The following KIF2C variants were observed in gnomAD, a reference collection of about 807,000 sequenced individuals.
KIF2C encodes the protein kinesin family member 2C, also known as kinesin-like protein KIF2C.
Under a neutral mutation model 97.4 loss-of-function variants are expected in KIF2C, and 34 were observed. That is an observed-to-expected ratio of 0.35 (90% CI 0.27 to 0.46). The LOEUF (loss-of-function observed/expected upper bound fraction) is 0.46. Among genes scored for constraint, KIF2C ranks in the 20% least tolerant of loss-of-function variants. The pLI, the probability that KIF2C is intolerant of heterozygous loss-of-function variation, is 1.00. For synonymous variants in KIF2C, 313 were observed against 318.2 expected, an observed-to-expected ratio of 0.98 and a Z score of 0.17; for missense variants, 750 against 907.6, an observed-to-expected ratio of 0.83 and a Z score of 2.23.
In KIF2C at chr1:44,755,946, A is replaced by T; in HGVS notation, c.777A>T (p.Ile259=). 1 of 1,614,068 alleles carries T rather than the reference A, an allele frequency of 6.2e-7. No homozygotes were observed. The highest frequency in any genetic ancestry group is 8.5e-7 in the Non-Finnish European group (1 of 1,179,992). The change falls in exon 9 of 21, where the codon ATA becomes ATT. Residue 259 remains isoleucine, a synonymous_variant. Transcript: ENST00000372224. The part of the protein sequence containing the change: ...TMTDPIEEHR[I]CVCVRKRPLN... ...GCTTGCAGATCGAAGAGCACAGAATATGTGTCTGTGTTAGGAAACGCCCAC... is the reference window on the plus strand; with the variant it reads ...GCTTGCAGATCGAAGAGCACAGAATTTGTGTCTGTGTTAGGAAACGCCCAC...
In KIF2C at chr1:44,750,135, G is replaced by GTC. The variant is rs1160152334; in HGVS notation, c.317-296_317-295dup. Among the ~76,000 whole-genome samples the GTC allele has an allele frequency of 1.3e-5, 2 of 151,420 alleles. 1 individual carries two copies. The highest frequency in any genetic ancestry group is 6.8e-3 in the Middle Eastern group (2 of 292). On this transcript the variant is annotated intron_variant, in intron 4 of 20. Transcript: ENST00000372224. ...ACTTTTTCTCAAGGACTTAGATTAG[G>GTC]TCTCTCTCTCTCCAGAAATGTTTTC...
Position 44,750,437 on chromosome 1 carries a change from TC to T in KIF2C, c.317-3del. ...ACTGACTGGCTACTGCTCTCGGTTC[TC>T]CAGGTCTTCGAAGCCGCTCCACTCG... On this transcript the variant is annotated splice_region_variant and splice_polypyrimidine_tract_variant and intron_variant, in intron 4 of 20. Coordinates refer to ENST00000372224, the MANE Select transcript of KIF2C (RefSeq NM_006845.4). 1 of 1,460,754 alleles carries T rather than the reference TC, an allele frequency of 6.8e-7. No individual in the cohort carries two copies. Among genetic ancestry groups the T allele is most frequent in the South Asian group, 1.5e-5 (1 of 67,190 alleles). The allele number at this position is 1,460,754 out of a possible 1,614,324, so 90.5% of individuals were successfully genotyped here.
Position 44,746,874 on chromosome 1 carries a change from T to C in KIF2C, c.166-510T>C, listed in dbSNP as rs931802891. On this transcript the variant is annotated intron_variant, in intron 2 of 20. Transcript: ENST00000372224. ...CCCTGTCTATAGAAATTTAATTTTT[T>C]CTATGTTGTTTTTTTGTTTGTTTGT... 1.2e-5 allele frequency: 13 copies of C among 1,078,332 alleles called. No individual in the cohort carries two copies. The African/African-American group carries it at 2.1e-4, about 18-fold the overall frequency. 66.8% of individuals were successfully genotyped at this position (1,078,332 alleles called of 1,614,324 possible).
intron 20 of KIF2C, 55 bp downstream of exon 20, chr1:44,767,004 G>C (rs1650504494): frequency 6.2e-7 from 1 of 1,611,880 alleles, no homozygotes; most frequent in African/African-American, 1.3e-5. Flanking sequence ...GCTGGCTCTT[G>C]GGCAGCTGCA....
In KIF2C at chr1:44,754,856, C is replaced by T. The variant is rs1054064820; in HGVS notation, c.759+11C>T. 1 of 1,490,480 alleles carries T rather than the reference C, an allele frequency of 6.7e-7. No individual in the cohort carries two copies. The highest frequency in any genetic ancestry group is 1.7e-5 in the Admixed American group (1 of 59,470). 92.3% of individuals were successfully genotyped at this position (1,490,480 alleles called of 1,614,324 possible). A position where few individuals can be genotyped will look rare whatever the true frequency, so the allele number is the denominator to read the frequency against. On this transcript the variant is annotated intron_variant, in intron 8 of 20. Coordinates refer to ENST00000372224, the MANE Select transcript of KIF2C (RefSeq NM_006845.4). Reference sequence around the variant, plus strand: ...ACTATGACTGATCCTGTAAGTACATCCAAAGAACTTCTCTTTCTTAAGTGT... The same window carrying T: ...ACTATGACTGATCCTGTAAGTACATTCAAAGAACTTCTCTTTCTTAAGTGT...
chr1:44,745,749 C>T lies in KIF2C; in HGVS notation c.166-1635C>T, dbSNP rs146542088. Among the ~76,000 whole-genome samples the T allele has an allele frequency of 8.3e-3, 1,265 of 151,992 alleles. 21 individuals are homozygous for T. The highest frequency in any genetic ancestry group is 0.029 in the African/African-American group (1,215 of 41,452). On this transcript the variant is annotated intron_variant, in intron 2 of 20. Coordinates refer to ENST00000372224, the MANE Select transcript of KIF2C (RefSeq NM_006845.4). Reference sequence around the variant, plus strand: ...CCTCCCAAAGTGCTGGGATTACAGACGTGAGCCACCACGCCCGGCCTATAT... The same window carrying T: ...CCTCCCAAAGTGCTGGGATTACAGATGTGAGCCACCACGCCCGGCCTATAT...
At chr1:44,746,369 T>C (rs143764896) in intron 2 of KIF2C, 4 of 1,055,518 alleles carry the variant, frequency 3.8e-6, no homozygotes, top group East Asian at 7.5e-5. Flanking sequence ...TGTGACCTCA[T>C]TGCAGGCATC....
intron 13 of KIF2C, among the ~76,000 whole-genome samples, chr1:44,758,659 G>A (rs1649970965): frequency 6.6e-6 from 1 of 152,114 alleles, no homozygotes; most frequent in Admixed American, 6.6e-5. Flanking sequence ...CAGGTCACCT[G>A]AGGTCAGGAG....
intron 19 of KIF2C, 55 bp from the exon 20 acceptor site, chr1:44,766,763 TAGGACCCC>T: frequency 6.3e-7 from 1 of 1,581,706 alleles, no homozygotes; most frequent in South Asian, 1.1e-5. Context: ...TTGCAGTTGG[TAGGACCCC>T]AGGAATGATT....
chr1:44,758,872 G>A (rs566521783), intron 13 of KIF2C, among the ~76,000 whole-genome samples: 12 of 152,164 alleles, frequency 7.9e-5, no homozygotes, highest in East Asian at 1.9e-4. Context: ...GCGAAACTCC[G>A]TCTCAAAATA....
In KIF2C at chr1:44,760,676, A is replaced by G. The variant is rs750209407; in HGVS notation, c.1657A>G (p.Ile553Val). 1.2e-6 allele frequency: 2 copies of G among 1,614,096 alleles called. No individual in the cohort carries two copies. Among genetic ancestry groups the G allele is most frequent in the Admixed American group, 1.7e-5 (1 of 60,026 alleles). Residue 553 changes from isoleucine (I) to valine (V), a missense_variant, in exon 16 of 21, where the codon ATT (isoleucine) becomes GTT (valine). Ile to Val is a conservative substitution (Grantham distance 29). Transcript: ENST00000372224. This position sits in a 1 kb window ranked among gnomAD's most constrained non-coding sequence, Gnocchi z 4.2. ...KLTQVLRDSF[I>V]GENSRTCMIA... ...GACACAGGTGCTGAGGGACTCCTTC[A>G]TTGGGGAGAACTCTAGGACTTGCAT...
intron 14 of KIF2C, 67 bp downstream of exon 14, chr1:44,759,415 G>T: frequency 6.3e-7 from 1 of 1,588,068 alleles, no homozygotes; most frequent in Non-Finnish European, 8.6e-7. Context: ...GTCTAGCTCT[G>T]AGCACATTTC....
chr1:44,746,624 C>G, intron 2 of KIF2C: 2 of 1,487,870 alleles, frequency 1.3e-6, no homozygotes, highest in Non-Finnish European at 1.8e-6. Flanking sequence ...AGCAGATCAG[C>G]AGGGGAGCCA....
intron 2 of KIF2C, among the ~76,000 whole-genome samples, chr1:44,745,916 G>A (rs1448286868): frequency 6.6e-6 from 1 of 151,454 alleles, no homozygotes; most frequent in African/African-American, 2.4e-5. Context: ...TCGCTGTGTC[G>A]CCCAGGCTGG....
intron 4 of KIF2C, among the ~76,000 whole-genome samples, chr1:44,748,482 T>C (rs528249964): frequency 2.0e-5 from 3 of 152,286 alleles, no homozygotes; most frequent in African/African-American, 7.2e-5. Flanking sequence ...GCAGGAGAGT[T>C]GGGACTCGCA....
chr1:44,761,806 T>G, intron 16 of KIF2C, 110 bp from the exon 17 acceptor site: 1 of 977,758 alleles, frequency 1.0e-6, no homozygotes, highest in South Asian at 1.4e-5. Flanking sequence ...CAATACCATG[T>G]GGGTCTCCAA....
chr1:44,756,544 C>CTTTTTTTTT (rs67641740), intron 10 of KIF2C, among the ~76,000 whole-genome samples: 2 of 65,242 alleles, frequency 3.1e-5, no homozygotes, highest in Non-Finnish European at 5.3e-5. Context: ...GCTCTATCTG[C>CTTTTTTTTT]TTTTTTTTTT....
chr1:44,742,418 T>C (rs1428218639), intron 2 of KIF2C, among the ~76,000 whole-genome samples: 2 of 150,972 alleles, frequency 1.3e-5, no homozygotes, highest in Non-Finnish European at 3.0e-5. Flanking sequence ...TCTGGTATGT[T>C]TGTAGAAAGC....
At chr1:44,747,943 A>G (rs1366907052) in intron 4 of KIF2C, among the ~76,000 whole-genome samples, 1 of 152,272 alleles carries the variant, frequency 6.6e-6, no homozygotes, top group African/African-American at 2.4e-5. Context: ...TGTAGAATCC[A>G]GAGCCTGATG....
Sources: gnomAD v4.1 joint callset for allele counts (sites outside exome capture counted in the v4.1 genomes callset) on GRCh38, gnomAD v4.1.1 for gene constraint, Gnocchi (gnomAD v3.1) non-coding constraint, MANE v1.5 for transcripts, NCBI Gene and HGNC (gene_info 2026-07-23, HGNC 2026-07-21) for gene names.